The following ZNF726 variants were observed in gnomAD, a reference collection of about 807,000 sequenced individuals.
The protein encoded by ZNF726 is zinc finger protein 726.
A neutral mutation model predicts 11.6 loss-of-function variants in ZNF726; 15 were observed. That is an observed-to-expected ratio of 1.29 (90% CI 0.86 to 1.99). The LOEUF is 1.99. Among genes scored for constraint, ZNF726 ranks in the 30% most tolerant of loss-of-function variants. ZNF726 has a pLI of 0.00. For synonymous variants in ZNF726, 295 were observed against 243.6 expected, an observed-to-expected ratio of 1.21 and a Z score of -1.96; for missense variants, 890 against 725.6, an observed-to-expected ratio of 1.23 and a Z score of -2.60.
In ZNF726 at chr19:23,933,005, C is replaced by T. The variant is rs556170577; in HGVS notation, c.889C>T (p.Pro297Ser). Residue 297 changes from proline to serine, a missense_variant, in exon 4 of 4, where the codon CCC becomes TCC. Coordinates refer to ENST00000594466, the MANE Select transcript of ZNF726 (RefSeq NM_001244038.2). The part of the protein sequence containing the change: ...CEECGKAFSQ[P>S]SALTIHKRMH... ...AGAATGTGGCAAAGCATTTAGCCAA[C>T]CCTCAGCACTAACCATACATAAGAG... The T allele has an allele frequency of 9.9e-6, 16 of 1,609,626 alleles. No individual in the cohort carries two copies. The East Asian group carries it at 3.4e-4, about 34-fold the overall frequency.
At chr19:23,918,991 G>A (rs1967773249) in intron 1 of ZNF726, 1 of 192,230 alleles carries the variant, frequency 5.2e-6, no homozygotes, top group South Asian at 9.3e-5. Context: ...TTAAATTTGA[G>A]TGGTACCTTC....
intron 3 of ZNF726, chr19:23,929,426 A>AT (rs1386902596): frequency 6.0e-6 from 1 of 167,938 alleles, no homozygotes; most frequent in Non-Finnish European, 1.2e-5. Flanking sequence ...GGTGAAAGGC[A>AT]TGTCTCACAT....
At chr19:23,921,604 G>A (rs1191282600) in intron 3 of ZNF726, 1 of 151,848 alleles carries the variant, frequency 6.6e-6, no homozygotes, top group Non-Finnish European at 1.5e-5. Context: ...TGAGCTGCTT[G>A]GTTAAATTTG....
At chr19:23,940,030 TA>T (rs1436734538) in intron 3 of ZNF726, among the ~76,000 whole-genome samples, 1 of 152,110 alleles carries the variant, frequency 6.6e-6, no homozygotes, top group Admixed American at 6.5e-5. Flanking sequence ...TTAGTTTAAT[TA>T]GGTCCCAGCT....
At chr19:23,916,240 C>T (rs1042044895) in intron 1 of ZNF726, among the ~76,000 whole-genome samples, 1 of 152,114 alleles carries the variant, frequency 6.6e-6, no homozygotes, top group Admixed American at 6.5e-5. Flanking sequence ...TCTGACGTTG[C>T]CAAATGCCAG....
chr19:23,926,005 A>G (rs1967978715), intron 3 of ZNF726, among the ~76,000 whole-genome samples: 3 of 151,800 alleles, frequency 2.0e-5, no homozygotes, highest in South Asian at 4.2e-4. Context: ...GTGAGCCACC[A>G]CGCCCGGCTA....
chr19:23,939,732 G>T (rs113882165), intron 3 of ZNF726, among the ~76,000 whole-genome samples: 3 of 152,166 alleles, frequency 2.0e-5, no homozygotes, highest in African/African-American at 7.2e-5. Flanking sequence ...GGAATAAGGT[G>T]GTATGGCATT....
intron 1 of ZNF726, 38 bp downstream of exon 1, chr19:23,915,035 G>A (rs1717188045): frequency 1.9e-6 from 3 of 1,613,696 alleles, no homozygotes; most frequent in Non-Finnish European, 2.5e-6. Context: ...GAGAGGGAAC[G>A]GGGCTGGCTG....
At chr19:23,930,485 A>G (rs1473188399) in intron 3 of ZNF726, among the ~76,000 whole-genome samples, 1 of 152,138 alleles carries the variant, frequency 6.6e-6, no homozygotes, top group East Asian at 1.9e-4. Context: ...GCATGCCAAT[A>G]TTTTAACTTT....
intron 3 of ZNF726, among the ~76,000 whole-genome samples, chr19:23,926,766 G>A (rs985286038): frequency 6.6e-6 from 1 of 151,988 alleles, no homozygotes; most frequent in African/African-American, 2.4e-5. Context: ...ACACAGAAGG[G>A]TTCATTTCTG....
rs116663773 is a variant in ZNF726, at chr19:23,939,674, C to T, written c.227-3820C>T. ...AAGTGTTCCCTGATCACTGCATCCACGCCAACATCTACAGTTTTTCGATAT... is the reference window on the plus strand; with the variant it reads ...AAGTGTTCCCTGATCACTGCATCCATGCCAACATCTACAGTTTTTCGATAT... On this transcript the variant is annotated intron_variant, in intron 3 of 4. Transcript: ENST00000334589. Among the ~76,000 whole-genome samples the T allele has an allele frequency of 7.4e-3, 1,120 of 152,170 alleles. 13 individuals carry two copies. The highest frequency in any genetic ancestry group is 0.025 in the African/African-American group (1,038 of 41,530).
downstream of ZNF726, among the ~76,000 whole-genome samples, chr19:23,938,189 A>G (rs1968278115): frequency 6.6e-6 from 1 of 152,068 alleles, no homozygotes; most frequent in Non-Finnish European, 1.5e-5. Flanking sequence ...TTTTATTCTT[A>G]TTTTTACATT....
chr19:23,928,715 C>T (rs571952316), intron 3 of ZNF726: 1 of 152,190 alleles, frequency 6.6e-6, no homozygotes, highest in African/African-American at 2.4e-5. Context: ...TAAAATGAGT[C>T]CCTTGTAGGT....
At chr19:23,937,468 C>T (rs566994867), downstream of ZNF726, among the ~76,000 whole-genome samples, 32 of 149,088 alleles carry the variant, frequency 2.1e-4, no homozygotes, top group East Asian at 8.2e-4. Flanking sequence ...ACTTCTCAGA[C>T]GGGGCGGCCG....
chr19:23,925,424 C>A (rs77254790), intron 3 of ZNF726, among the ~76,000 whole-genome samples: 6 of 152,018 alleles, frequency 3.9e-5, no homozygotes, highest in Non-Finnish European at 1.5e-5. Context: ...AAACTCCTGA[C>A]GTCAGGATTC....
chr19:23,942,702 G>A (rs1429579285), intron 3 of ZNF726, among the ~76,000 whole-genome samples: 4 of 152,102 alleles, frequency 2.6e-5, no homozygotes, highest in East Asian at 1.9e-4. Context: ...GGCCACTTAC[G>A]ATTATATAGT....
At chr19:23,929,543 C>T (rs1376023252) in intron 3 of ZNF726, among the ~76,000 whole-genome samples, 3 of 152,106 alleles carry the variant, frequency 2.0e-5, no homozygotes, top group African/African-American at 4.8e-5. Context: ...AAAAGACCTG[C>T]CCCCATGATT....
At chr19:23,939,862 A>ATTTTTTTTTTTTTTTTTTTT (rs374902806) in intron 3 of ZNF726, among the ~76,000 whole-genome samples, 7 of 87,152 alleles carry the variant, frequency 8.0e-5, no homozygotes, top group Non-Finnish European at 1.1e-4. Context: ...TTTTGATGGG[A>ATTTTTTTTTTTTTTTTTTTT]TTTTTTTTTT....
At chr19:23,924,605 C>T (rs964295791) in intron 3 of ZNF726, among the ~76,000 whole-genome samples, 12 of 152,006 alleles carry the variant, frequency 7.9e-5, no homozygotes, top group Admixed American at 7.2e-4. Context: ...CATGTCAGGG[C>T]GAGGCAATGT....
Sources: allele counts gnomAD v4.1 joint callset (sites outside exome capture counted in the v4.1 genomes callset), GRCh38; gene constraint gnomAD v4.1.1; transcripts MANE v1.5; gene names NCBI Gene and HGNC (gene_info 2026-07-23, HGNC 2026-07-21).